The following KCMF1 variants were observed in gnomAD, a reference collection of about 807,000 sequenced individuals.
KCMF1 encodes potassium channel modulatory factor 1.
Under a neutral mutation model 41.1 loss-of-function variants are expected in KCMF1, and 3 were observed. The observed-to-expected ratio is 0.07, with a 90% CI of 0.03 to 0.19. The LOEUF is 0.19. KCMF1 is among the 10% of genes least tolerant of loss of function. The probability of loss-of-function intolerance (pLI) is 1.00; values close to 1 mark genes in which losing one functional copy is unlikely to be tolerated. For synonymous variants in KCMF1, 142 were observed against 164.5 expected (o/e 0.86, Z 1.04); for missense variants, 286 against 488.9 (o/e 0.58, Z 3.91).
At chr2:85,032,519 G>A (rs892863696) in intron 2 of KCMF1, among the ~76,000 whole-genome samples, 2 of 152,192 alleles carry the variant, frequency 1.3e-5, no homozygotes, top group South Asian at 4.1e-4. Context: ...TGAGACTACA[G>A]GCGTGCACCA....
chr2:85,031,496 A>C (rs1301132492), intron 2 of KCMF1, among the ~76,000 whole-genome samples: 1 of 152,170 alleles, frequency 6.6e-6, no homozygotes, highest in Non-Finnish European at 1.5e-5. Context: ...TTTCATTTTC[A>C]GTGCGGTCTT....
At chr2:85,004,363 TAGGC>T (rs1234819497) in intron 1 of KCMF1, among the ~76,000 whole-genome samples, 1 of 151,816 alleles carries the variant, frequency 6.6e-6, no homozygotes, top group Non-Finnish European at 1.5e-5. Flanking sequence ...TACAAAAAAT[TAGGC>T]AGGCATGGTG....
intron 2 of KCMF1, among the ~76,000 whole-genome samples, chr2:85,029,371 C>T (rs535870483): frequency 1.3e-4 from 20 of 152,024 alleles, no homozygotes; most frequent in Non-Finnish European, 2.1e-4. Context: ...TCACTTGAGC[C>T]CAGGAGTTTG....
chr2:85,019,588 C>T (rs1674876181), intron 1 of KCMF1, among the ~76,000 whole-genome samples: 2 of 151,968 alleles, frequency 1.3e-5, no homozygotes, highest in African/African-American at 2.4e-5. Flanking sequence ...TTTTTACTTC[C>T]CTCGACTTCT....
chr2:84,998,960 A>G (rs368371089), intron 1 of KCMF1, among the ~76,000 whole-genome samples: 5 of 107,628 alleles, frequency 4.6e-5, no homozygotes, highest in South Asian at 6.8e-4. Context: ...CTATCTATCT[A>G]TCTATCTGTC....
chr2:84,978,466 A>G (rs1040914325), intron 1 of KCMF1, among the ~76,000 whole-genome samples: 1 of 150,938 alleles, frequency 6.6e-6, no homozygotes, highest in Admixed American at 6.6e-5. Context: ...TCTATCATAT[A>G]TATTTGCCTA....
At chr2:85,042,675 C>A (rs1008850664) in intron 3 of KCMF1, among the ~76,000 whole-genome samples, 1 of 152,192 alleles carries the variant, frequency 6.6e-6, no homozygotes, top group African/African-American at 2.4e-5. Flanking sequence ...GTTGTTCATA[C>A]TTCAAGGCTT....
At chr2:84,974,692 T>TATATATATATATA (rs1491555128) in intron 1 of KCMF1, among the ~76,000 whole-genome samples, 15 of 17,218 alleles carry the variant, frequency 8.7e-4, no homozygotes, top group Non-Finnish European at 1.1e-3. Flanking sequence ...TATATATATA[T>TATATATATATATA]TTTTTTTTTT....
intron 1 of KCMF1, among the ~76,000 whole-genome samples, chr2:85,017,286 A>G (rs931024486): frequency 4.0e-5 from 6 of 149,452 alleles, no homozygotes; most frequent in Non-Finnish European, 5.9e-5. Flanking sequence ...TCGGCCTCCC[A>G]AAGTGCTGGG....
chr2:85,035,165 G>A lies in KCMF1; in HGVS notation c.324+10G>A, dbSNP rs1406638671. The stretch of plus-strand genomic sequence containing the variant: ...AACATCAACAGAAGTGGTAAGTGAA[G>A]CAGCAACCTTATGACTAAAATGATG... On this transcript the variant is annotated intron_variant, in intron 3 of 6. Coordinates refer to ENST00000409785, the MANE Select transcript of KCMF1 (RefSeq NM_020122.5). 1.9e-6 allele frequency: 3 copies of A among 1,608,058 alleles called. No individual in the cohort carries two copies. The highest frequency in any genetic ancestry group is 2.5e-6 in the Non-Finnish European group (3 of 1,177,364).
chr2:85,007,376 G>A lies in KCMF1; in HGVS notation c.17-20513G>A, dbSNP rs542697964. ...CTTCGGCTTCCCCGAGTTTCCAAGAGTCTGGAGAAATCATTGGGCAAGGTC... is the reference window on the plus strand; with the variant it reads ...CTTCGGCTTCCCCGAGTTTCCAAGAATCTGGAGAAATCATTGGGCAAGGTC... On this transcript the variant is annotated intron_variant, in intron 1 of 6. Coordinates refer to ENST00000409785, the MANE Select transcript of KCMF1 (RefSeq NM_020122.5). Among the ~76,000 whole-genome samples, 6 of 152,344 alleles carry A rather than the reference G, an allele frequency of 3.9e-5. No homozygotes were observed. The South Asian group carries it at 1.2e-3, about 32-fold the overall frequency.
intron 1 of KCMF1, among the ~76,000 whole-genome samples, chr2:85,014,711 G>A (rs1674725341): frequency 7.8e-6 from 1 of 128,052 alleles, no homozygotes; most frequent in African/African-American, 3.1e-5. Context: ...GCGCGCGCGT[G>A]CGTGCGTGCG....
chr2:85,023,333 T>TC, intron 1 of KCMF1, among the ~76,000 whole-genome samples: 1 of 150,834 alleles, frequency 6.6e-6, no homozygotes, highest in Non-Finnish European at 1.5e-5. Flanking sequence ...TTTTTTTTTT[T>TC]TGAGACGGAG....
intron 1 of KCMF1, among the ~76,000 whole-genome samples, chr2:85,004,258 T>G (rs1406106475): frequency 6.6e-6 from 1 of 152,142 alleles, no homozygotes; most frequent in Non-Finnish European, 1.5e-5. Flanking sequence ...ACACCTGTAA[T>G]CCCAGCACTT....
chr2:85,010,969 G>A lies in KCMF1; in HGVS notation c.17-16920G>A, dbSNP rs368031387. On this transcript the variant is annotated intron_variant, in intron 1 of 6. Coordinates refer to ENST00000409785, the MANE Select transcript of KCMF1 (RefSeq NM_020122.5). ...AGCAATTCTTCTTCCTCAGCCTCCC[G>A]AGTAGCTGGGACTATAGGCGCATGC... Among the ~76,000 whole-genome samples, 12 of 151,466 alleles carry A rather than the reference G, an allele frequency of 7.9e-5. No homozygotes were observed. In the East Asian group the frequency reaches 1.7e-3, roughly 22 times the overall value.
chr2:85,035,428 A>G (rs1409070467), intron 3 of KCMF1, among the ~76,000 whole-genome samples: 1 of 152,182 alleles, frequency 6.6e-6, no homozygotes, highest in Non-Finnish European at 1.5e-5. Flanking sequence ...CCTTTATTCA[A>G]TGCATTGTGA....
intron 2 of KCMF1, among the ~76,000 whole-genome samples, chr2:85,031,094 C>G (rs1468302724): frequency 6.6e-6 from 1 of 152,126 alleles, no homozygotes. Context: ...CAACTTTGTT[C>G]TTTTTCAATA....
intron 1 of KCMF1, among the ~76,000 whole-genome samples, chr2:85,007,853 C>T (rs1674510263): frequency 6.6e-6 from 1 of 152,188 alleles, no homozygotes; most frequent in African/African-American, 2.4e-5. Context: ...CCGCCACCTC[C>T]TGGGTTCAAG....
intron 1 of KCMF1, among the ~76,000 whole-genome samples, chr2:84,982,241 T>C (rs949427438): frequency 1.3e-5 from 2 of 152,190 alleles, no homozygotes. Context: ...CTACTGTTCT[T>C]GTTCCACCAG....
Sources: allele counts gnomAD v4.1 joint callset (sites outside exome capture counted in the v4.1 genomes callset), GRCh38; gene constraint gnomAD v4.1.1; transcripts MANE v1.5; gene names NCBI Gene and HGNC (gene_info 2026-07-23, HGNC 2026-07-21).